Variants in PLA2G4A observed in about 807,000 individuals in gnomAD.
PLA2G4A encodes cytosolic phospholipase A2.
Under a neutral mutation model 81.9 loss-of-function variants are expected in PLA2G4A, and 40 were observed. The ratio of observed to expected loss-of-function variants is 0.49; its 90% CI spans 0.38 to 0.64. PLA2G4A has a LOEUF of 0.64. Among genes scored for constraint, PLA2G4A ranks in the 30% least tolerant of loss-of-function variants. PLA2G4A has a pLI of 0.00. For synonymous variants in PLA2G4A, 302 were observed against 296.9 expected (o/e 1.02, Z -0.18); for missense variants, 715 against 905.1 (o/e 0.79, Z 2.69).
At chr1:186,841,208 A>T (rs887773490) in intron 1 of PLA2G4A, among the ~76,000 whole-genome samples, 3 of 152,060 alleles carry the variant, frequency 2.0e-5, no homozygotes, top group African/African-American at 4.8e-5. Context: ...TATAACTATG[A>T]TTCAAACCTA....
intron 14 of PLA2G4A, among the ~76,000 whole-genome samples, chr1:186,960,648 T>TA (rs1256230251): frequency 6.6e-6 from 1 of 152,184 alleles, no homozygotes; most frequent in East Asian, 1.9e-4. Context: ...TGCTTGAGGA[T>TA]AGTACTTTAA....
intron 6 of PLA2G4A, among the ~76,000 whole-genome samples, chr1:186,909,860 G>C (rs2102151845): frequency 6.6e-6 from 1 of 152,088 alleles, no homozygotes; most frequent in African/African-American, 2.4e-5. Context: ...TAGGCCAAAA[G>C]GAATCTATGT....
At chr1:186,842,901 C>G (rs1194391159) in intron 1 of PLA2G4A, among the ~76,000 whole-genome samples, 1 of 152,228 alleles carries the variant, frequency 6.6e-6, no homozygotes, top group African/African-American at 2.4e-5. Context: ...CCTGCTAAGA[C>G]TCGAATAACT....
intron 7 of PLA2G4A, among the ~76,000 whole-genome samples, chr1:186,921,470 G>A (rs960212823): frequency 1.3e-5 from 2 of 152,154 alleles, no homozygotes; most frequent in South Asian, 2.1e-4. Context: ...ACAAAGGCAC[G>A]CCTTTCCACC....
chr1:186,861,266 A>C (rs557297890), intron 2 of PLA2G4A, among the ~76,000 whole-genome samples: 3 of 152,118 alleles, frequency 2.0e-5, no homozygotes, highest in Non-Finnish European at 4.4e-5. Flanking sequence ...TTTTACTTTG[A>C]AACAGGAGTG....
chr1:186,912,265 C>A (rs1176447869), intron 7 of PLA2G4A, among the ~76,000 whole-genome samples: 1 of 152,166 alleles, frequency 6.6e-6, no homozygotes, highest in African/African-American at 2.4e-5. Flanking sequence ...ACATCCCACA[C>A]CAGAGTGGTA....
At position 186,898,014 on chromosome 1, in the gene PLA2G4A, T is replaced by G. The variant is rs79314285; in HGVS notation, c.378+3803T>G. ...GTGTCTATTTTTCTCATCATTATGT[T>G]CCTGTGTACCCAATGTTTAGCTTGC... On this transcript the variant is annotated intron_variant, in intron 5 of 17. Transcript: ENST00000367466. Among the ~76,000 whole-genome samples the G allele has an allele frequency of 6.8e-3, 1,043 of 152,296 alleles. 15 individuals are homozygous for G. The highest frequency in any genetic ancestry group is 0.022 in the African/African-American group (933 of 41,564).
chr1:186,850,721 C>T (rs905244069), intron 1 of PLA2G4A, among the ~76,000 whole-genome samples: 1 of 151,934 alleles, frequency 6.6e-6, no homozygotes, highest in African/African-American at 2.4e-5. Flanking sequence ...GAATAACTAC[C>T]AGAATCTTGT....
intron 7 of PLA2G4A, among the ~76,000 whole-genome samples, chr1:186,927,010 C>T (rs753064299): frequency 2.6e-5 from 4 of 152,034 alleles, no homozygotes; most frequent in Non-Finnish European, 5.9e-5. Context: ...AAAGCCTAAG[C>T]GTTTATTCTC....
intron 5 of PLA2G4A, among the ~76,000 whole-genome samples, chr1:186,895,381 A>G (rs1446062237): frequency 6.6e-6 from 1 of 152,264 alleles, no homozygotes; most frequent in Non-Finnish European, 1.5e-5. Flanking sequence ...CACCTGCTGC[A>G]GAAAGCATTT....
At chr1:186,893,929 A>G (rs543570188) in intron 4 of PLA2G4A, among the ~76,000 whole-genome samples, 169 bp from the exon 5 acceptor site, 1 of 151,860 alleles carries the variant, frequency 6.6e-6, no homozygotes, top group Non-Finnish European at 1.5e-5. Flanking sequence ...AAAAAAAAAA[A>G]AAAAAAGGAA....
intron 7 of PLA2G4A, among the ~76,000 whole-genome samples, chr1:186,916,416 C>T (rs1655139363): frequency 6.6e-6 from 1 of 151,866 alleles, no homozygotes; most frequent in South Asian, 2.1e-4. Context: ...CATTCATTTC[C>T]ACACAGTCCT....
chr1:186,895,579 G>A (rs537536482), intron 5 of PLA2G4A, among the ~76,000 whole-genome samples: 41 of 152,350 alleles, frequency 2.7e-4, no homozygotes, highest in Non-Finnish European at 4.3e-4. Context: ...TGGGAAGGAG[G>A]TGAGTAAAGG....
chr1:186,861,984 A>G (rs1319407743), intron 2 of PLA2G4A, among the ~76,000 whole-genome samples: 1 of 149,240 alleles, frequency 6.7e-6, no homozygotes, highest in East Asian at 1.9e-4. Flanking sequence ...TAATTTATAT[A>G]TAATTATATA....
chr1:186,875,998 T>C (rs1653483943), intron 3 of PLA2G4A, among the ~76,000 whole-genome samples: 1 of 152,122 alleles, frequency 6.6e-6, no homozygotes, highest in African/African-American at 2.4e-5. Context: ...TTGAATGTTT[T>C]AGACCACGTG....
At chr1:186,870,565 C>A (rs966854327) in intron 3 of PLA2G4A, 49 bp downstream of exon 3, 24 of 1,324,540 alleles carry the variant, frequency 1.8e-5, no homozygotes, top group Non-Finnish European at 2.4e-5. Flanking sequence ...TATGGTTCAG[C>A]CTTTAATTGC....
chr1:186,844,236 A>G (rs1652090307), intron 1 of PLA2G4A, among the ~76,000 whole-genome samples: 1 of 152,198 alleles, frequency 6.6e-6, no homozygotes, highest in Non-Finnish European at 1.5e-5. Context: ...AAAGCATCTC[A>G]TTTACCCATC....
At chr1:186,877,834 T>A (rs1460379632) in intron 3 of PLA2G4A, among the ~76,000 whole-genome samples, 2 of 150,786 alleles carry the variant, frequency 1.3e-5, no homozygotes, top group South Asian at 2.1e-4. Flanking sequence ...TTTTTTGATA[T>A]TGCTTCCTTT....
At chr1:186,940,886 T>C (rs918090579) in intron 10 of PLA2G4A, among the ~76,000 whole-genome samples, 1 of 152,074 alleles carries the variant, frequency 6.6e-6, no homozygotes, top group Non-Finnish European at 1.5e-5. Context: ...AAAGTTCTAG[T>C]GTATATTTGT....
Sources: gnomAD v4.1 joint callset for allele counts (sites outside exome capture counted in the v4.1 genomes callset) on GRCh38, gnomAD v4.1.1 for gene constraint, MANE v1.5 for transcripts, NCBI Gene and HGNC (gene_info 2026-07-23, HGNC 2026-07-21) for gene names.